DLG2: variants seen among roughly 807,000 people sequenced by gnomAD.
DLG2 encodes disks large homolog 2.
DLG2 carries 45 observed loss-of-function variants against 132.5 expected under a neutral mutation model. The ratio of observed to expected loss-of-function variants is 0.34; its 90% CI spans 0.27 to 0.44. The LOEUF (loss-of-function observed/expected upper bound fraction) is 0.44, where lower values mean the gene tolerates loss of function less well. DLG2 is among the 20% of genes least tolerant of loss of function. The pLI is 1.00. For missense variants in DLG2, 1,045 were observed against 1,196.9 expected (o/e 0.87, Z 1.87); for synonymous variants, 424 against 419.6 (o/e 1.01, Z -0.13).
At chr11:85,136,313 G>C (rs1313881752) in intron 5 of DLG2, among the ~76,000 whole-genome samples, 1 of 152,156 alleles carries the variant, frequency 6.6e-6, no homozygotes. Context: ...TTAGATATAA[G>C]TACATAACAT....
At chr11:83,876,010 T>TG (rs2154069312) in intron 15 of DLG2, among the ~76,000 whole-genome samples, 1 of 152,326 alleles carries the variant, frequency 6.6e-6, no homozygotes, top group South Asian at 2.1e-4. Context: ...AGATATTCAT[T>TG]GATCATGTTT....
chr11:84,919,052 A>C (rs970731864), intron 6 of DLG2, among the ~76,000 whole-genome samples: 9 of 152,126 alleles, frequency 5.9e-5, no homozygotes, highest in African/African-American at 2.2e-4. Flanking sequence ...GGGACAGGAA[A>C]TATTATACCT....
chr11:85,404,324 A>G (rs2088502138), intron 3 of DLG2, among the ~76,000 whole-genome samples: 1 of 152,014 alleles, frequency 6.6e-6, no homozygotes, highest in Non-Finnish European at 1.5e-5. Flanking sequence ...CCCTAGAAAC[A>G]CTACTACTGA....
intron 18 of DLG2, among the ~76,000 whole-genome samples, chr11:83,737,890 T>C (rs1424850179): frequency 6.6e-6 from 1 of 152,200 alleles, no homozygotes; most frequent in Non-Finnish European, 1.5e-5. Flanking sequence ...TTTTCCTGTC[T>C]TCTCCACTTA....
chr11:83,770,345 TAA>T (rs200424368), intron 18 of DLG2, among the ~76,000 whole-genome samples: 2 of 142,268 alleles, frequency 1.4e-5, no homozygotes, highest in Admixed American at 1.4e-4. Flanking sequence ...GTTCTTTAAT[TAA>T]AAAAAAAAAG....
chr11:84,386,226 C>T (rs1037044102), intron 7 of DLG2, among the ~76,000 whole-genome samples: 3 of 151,906 alleles, frequency 2.0e-5, no homozygotes, highest in Non-Finnish European at 4.4e-5. Flanking sequence ...TGTCTCTTTA[C>T]CCTTATATGA....
At chr11:83,749,679 A>AG (rs2093173308) in intron 18 of DLG2, among the ~76,000 whole-genome samples, 1 of 152,134 alleles carries the variant, frequency 6.6e-6, no homozygotes, top group Non-Finnish European at 1.5e-5. Context: ...TCAAATCCTG[A>AG]GGGGGTCTGA....
intron 3 of DLG2, among the ~76,000 whole-genome samples, chr11:85,408,691 C>T (rs1212440279): frequency 1.3e-5 from 2 of 151,508 alleles, no homozygotes; most frequent in Non-Finnish European, 2.9e-5. Context: ...ATGATGATTT[C>T]CAATTTCATC....
chr11:83,536,337 C>G (rs1312417399), intron 20 of DLG2, among the ~76,000 whole-genome samples: 2 of 152,186 alleles, frequency 1.3e-5, no homozygotes, highest in African/African-American at 4.8e-5. Flanking sequence ...TCCATCTCCT[C>G]AGCACACCAG....
intron 8 of DLG2, among the ~76,000 whole-genome samples, chr11:84,178,634 T>G (rs1472425571): frequency 6.6e-6 from 1 of 152,064 alleles, no homozygotes; most frequent in African/African-American, 2.4e-5. Flanking sequence ...GCTTACTGGC[T>G]CAAGGTGTTT....
At chr11:84,234,007 T>C (rs921592118) in intron 8 of DLG2, among the ~76,000 whole-genome samples, 6 of 152,116 alleles carry the variant, frequency 3.9e-5, no homozygotes, top group African/African-American at 1.2e-4. Flanking sequence ...AAGATACACA[T>C]TAAGAGGCAA....
At chr11:85,098,678 T>C (rs1337551988) in intron 6 of DLG2, among the ~76,000 whole-genome samples, 1 of 152,226 alleles carries the variant, frequency 6.6e-6, no homozygotes, top group Non-Finnish European at 1.5e-5. Context: ...TAAATGTGAT[T>C]ACATTATGCA....
intron 4 of DLG2, among the ~76,000 whole-genome samples, chr11:85,199,901 C>T (rs1207562461): frequency 1.3e-5 from 2 of 151,674 alleles, no homozygotes; most frequent in Admixed American, 6.6e-5. Flanking sequence ...TACCCCCACA[C>T]CAAGAACGCA....
intron 3 of DLG2, among the ~76,000 whole-genome samples, chr11:85,402,794 G>A: frequency 6.6e-6 from 1 of 152,062 alleles, no homozygotes; most frequent in Non-Finnish European, 1.5e-5. Context: ...ACAATGAGAT[G>A]CCATCTCACG....
chr11:85,593,323 G>C (rs776377462), intron 3 of DLG2, among the ~76,000 whole-genome samples: 1 of 152,134 alleles, frequency 6.6e-6, no homozygotes, highest in African/African-American at 2.4e-5. Context: ...TAGAACATAG[G>C]TTTTCAAATT....
chr11:84,354,042 G>A (rs1381350214), intron 7 of DLG2, among the ~76,000 whole-genome samples: 2 of 152,118 alleles, frequency 1.3e-5, no homozygotes, highest in African/African-American at 4.8e-5. Flanking sequence ...TGCCTGGTTT[G>A]TTTCTTACTT....
At chr11:84,170,400 AT>A (rs1266491034) in intron 8 of DLG2, among the ~76,000 whole-genome samples, 1 of 152,202 alleles carries the variant, frequency 6.6e-6, no homozygotes, top group Non-Finnish European at 1.5e-5. Context: ...TGGGTGAAAT[AT>A]GGTTCCTGCC....
At chr11:83,760,931 A>G (rs952810616) in intron 18 of DLG2, among the ~76,000 whole-genome samples, 6 of 152,154 alleles carry the variant, frequency 3.9e-5, no homozygotes, top group Non-Finnish European at 8.8e-5. Flanking sequence ...ACACCCTTTG[A>G]ATGTACCTCA....
intron 6 of DLG2, among the ~76,000 whole-genome samples, chr11:84,867,732 C>T (rs1394451555): frequency 6.6e-6 from 1 of 152,130 alleles, no homozygotes; most frequent in Non-Finnish European, 1.5e-5. Flanking sequence ...AGAATGTAAA[C>T]ACATCAAGGG....
Sources: allele counts gnomAD v4.1 joint callset (sites outside exome capture counted in the v4.1 genomes callset), GRCh38; gene constraint gnomAD v4.1.1; transcripts MANE v1.5; gene names NCBI Gene and HGNC (gene_info 2026-07-23, HGNC 2026-07-21).